Variants in IL2RB observed in about 807,000 individuals in gnomAD.
IL2RB encodes the protein interleukin-2 receptor subunit beta.
IL2RB carries 17 observed loss-of-function variants against 44.2 expected under a neutral mutation model. The observed-to-expected ratio is 0.38, with a 90% confidence interval of 0.26 to 0.58. The LOEUF (loss-of-function observed/expected upper bound fraction) is 0.58. IL2RB is among the 20% of genes least tolerant of loss of function. The probability of loss-of-function intolerance (pLI) is 0.63; values close to 1 mark genes in which losing one functional copy is unlikely to be tolerated. For synonymous variants in IL2RB, 286 were observed against 297.9 expected, an observed-to-expected ratio of 0.96 and a Z score of 0.41; for missense variants, 624 against 685.5, an observed-to-expected ratio of 0.91 and a Z score of 1.00.
chr22:37,166,352 G>A (rs945911049), intron 1 of IL2RB, among the ~76,000 whole-genome samples: 2 of 150,558 alleles, frequency 1.3e-5, no homozygotes, highest in African/African-American at 2.4e-5. Context: ...GCACTGCACC[G>A]CTGCGTGTGT....
At chr22:37,132,261 C>T (rs933177729) in intron 9 of IL2RB, 123 bp downstream of exon 9, 11 of 688,528 alleles carry the variant, frequency 1.6e-5, no homozygotes, top group Middle Eastern at 3.9e-4. Flanking sequence ...ATGCACACCC[C>T]GGAGGCTGCT....
chr22:37,132,058 C>G (rs3218322), intron 9 of IL2RB, among the ~76,000 whole-genome samples: 2 of 151,942 alleles, frequency 1.3e-5, no homozygotes, highest in Admixed American at 6.6e-5. Flanking sequence ...TGAACACTAA[C>G]TGCGTGCCAG....
chr22:37,159,852 G>T (rs912970349), intron 1 of IL2RB, among the ~76,000 whole-genome samples: 1 of 152,242 alleles, frequency 6.6e-6, no homozygotes, highest in African/African-American at 2.4e-5. Flanking sequence ...GTGCTGGCGT[G>T]GGGGCCACCC....
chr22:37,167,747 T>C (rs73884834), intron 1 of IL2RB, among the ~76,000 whole-genome samples: 3,000 of 152,310 alleles, frequency 0.02, 113 homozygotes, highest in African/African-American at 0.069. Flanking sequence ...ATTTGCCTGG[T>C]GTCTGTCTTC....
At chr22:37,136,497 C>T in intron 6 of IL2RB, 104 bp from the exon 7 acceptor site, 1 of 1,280,988 alleles carries the variant, frequency 7.8e-7, no homozygotes, top group Non-Finnish European at 1.1e-6. Context: ...GCTGCACCCC[C>T]ACTTCCTTGC....
At chr22:37,129,373 C>T (rs1364487122) in intron 9 of IL2RB, among the ~76,000 whole-genome samples, 1 of 152,206 alleles carries the variant, frequency 6.6e-6, no homozygotes, top group Admixed American at 6.5e-5. Context: ...CCAGGGTCTC[C>T]GCTTACACTG....
At position 37,137,677 on chromosome 22, in the gene IL2RB, G is replaced by A; in HGVS notation, c.447C>T (p.Asn149=). The A allele has an allele frequency of 6.2e-7, 1 of 1,614,088 alleles. No homozygotes were observed. The highest frequency in any genetic ancestry group is 8.5e-7 in the Non-Finnish European group (1 of 1,179,926). Residue 149 remains asparagine (N), a synonymous_variant, in exon 6 of 10, where the codon AAC becomes AAT. Coordinates refer to ENST00000216223, the MANE Select transcript of IL2RB (RefSeq NM_000878.5). ...QVVHVETHRC[N]ISWEISQASH... ...AGGCTTGGGAGATTTCCCAGCTTAT[G>A]TTGCATCTGTGGGTCTCCACGTGGA... is the stretch of plus-strand genomic sequence containing the variant.
intron 1 of IL2RB, among the ~76,000 whole-genome samples, chr22:37,145,090 C>T (rs1022413461): frequency 6.8e-5 from 10 of 147,924 alleles, no homozygotes; most frequent in African/African-American, 2.2e-4. Flanking sequence ...CACTGTCCCT[C>T]GAGGGAGCTG....
chr22:37,145,846 G>A (rs866534611), intron 1 of IL2RB, among the ~76,000 whole-genome samples: 3 of 151,976 alleles, frequency 2.0e-5, no homozygotes, highest in African/African-American at 4.8e-5. Flanking sequence ...TTCCCCCGCT[G>A]TTCCCCCTTC....
chr22:37,132,204 A>G (rs1414762019), intron 9 of IL2RB, among the ~76,000 whole-genome samples, 180 bp downstream of exon 9: 2 of 152,188 alleles, frequency 1.3e-5, no homozygotes, highest in Non-Finnish European at 2.9e-5. Context: ...ATTAGAACCC[A>G]GGCAGTCTGG....
Position 37,142,322 on chromosome 22 carries a change from C to T in IL2RB, c.282+112G>A, listed in dbSNP as rs895724299. The T allele has an allele frequency of 5.1e-5, 50 of 982,426 alleles. No homozygotes were observed. In the African/African-American group the frequency reaches 6.4e-4, roughly 13 times the overall value. 60.9% of individuals were successfully genotyped at this position (982,426 alleles called of 1,614,324 possible). Reference sequence around the variant, plus strand: ...GCTGGGCATCCTGCTTAGCCACAGCCCCAGCCATTGGGCCTCAGCTCTTCC... The same window carrying T: ...GCTGGGCATCCTGCTTAGCCACAGCTCCAGCCATTGGGCCTCAGCTCTTCC... On this transcript the variant is annotated intron_variant, in intron 4 of 9. Coordinates refer to ENST00000216223, the MANE Select transcript of IL2RB (RefSeq NM_000878.5).
At chr22:37,144,425 G>A (rs956669584) in intron 1 of IL2RB, among the ~76,000 whole-genome samples, 5 of 152,190 alleles carry the variant, frequency 3.3e-5, no homozygotes, top group Non-Finnish European at 7.4e-5. Context: ...CCTTTGAGAG[G>A]TCTTCTTTGA....
At chr22:37,165,020 C>T (rs1014468828) in intron 1 of IL2RB, among the ~76,000 whole-genome samples, 7 of 152,152 alleles carry the variant, frequency 4.6e-5, no homozygotes, top group Admixed American at 3.9e-4. Context: ...CCAAGCAACT[C>T]GAGTGTGCAC....
At chr22:37,160,238 A>C (rs531126874) in intron 1 of IL2RB, among the ~76,000 whole-genome samples, 2 of 152,246 alleles carry the variant, frequency 1.3e-5, no homozygotes, top group Non-Finnish European at 2.9e-5. Flanking sequence ...TGTGGGGAGC[A>C]GCGGGATGGC....
At position 37,127,958 on chromosome 22, in the gene IL2RB, G is replaced by C; in HGVS notation, c.*138C>G. 4.8e-6 allele frequency: 3 copies of C among 622,752 alleles called. No homozygotes were observed. Among genetic ancestry groups the C allele is most frequent in the Non-Finnish European group, 7.5e-6 (3 of 402,422 alleles). The allele number at this position is 622,752 out of a possible 1,614,324, so 38.6% of individuals were successfully genotyped here. ...ATGGACCAAGTGTGCAGGACTGGGT[G>C]GGGGCCATCCGGGTGGAGAAGTCCA... On this transcript the variant is annotated 3_prime_UTR_variant, in exon 10 of 10. Transcript: ENST00000216223.
rs371082566 is a variant in IL2RB, at chr22:37,143,513, G to A, written c.203+8C>T. ...CCTAAGATTCTGCAGTGTGGCCAGT[G>A]GACTCACCGTCTGTCCGGCCAGGCA... On this transcript the variant is annotated splice_region_variant and intron_variant, in intron 3 of 9. Coordinates refer to ENST00000216223, the MANE Select transcript of IL2RB (RefSeq NM_000878.5). 63 of 1,572,794 alleles carry A rather than the reference G, an allele frequency of 4.0e-5. No individual in the cohort carries two copies. The highest frequency in any genetic ancestry group is 5.1e-5 in the Non-Finnish European group (58 of 1,142,520).
At chr22:37,131,059 C>T (rs1490181107) in intron 9 of IL2RB, among the ~76,000 whole-genome samples, 1 of 152,130 alleles carries the variant, frequency 6.6e-6, no homozygotes, top group African/African-American at 2.4e-5. Context: ...CCCAGCTACT[C>T]GGGAGACTGA....
chr22:37,149,873 G>A lies in IL2RB; in HGVS notation c.-82C>T, dbSNP rs937818208. 22 of 985,616 alleles carry A rather than the reference G, an allele frequency of 2.2e-5. No individual in the cohort carries two copies. The highest frequency in any genetic ancestry group is 7.0e-5 in the African/African-American group (4 of 57,220). The allele number at this position is 985,616 out of a possible 1,614,324, so 61.1% of individuals were successfully genotyped here. A position where few individuals can be genotyped will look rare whatever the true frequency, so the allele number is the denominator to read the frequency against. ...CAGCGCGCGCTCTCCAGTCCTCCCC[G>A]GTGCTGGGACCGTGGCCATCTCTCC... On this transcript the variant is annotated 5_prime_UTR_variant, in exon 1 of 10. Transcript: ENST00000216223.
chr22:37,174,753 G>A (rs985583100), intron 1 of IL2RB, among the ~76,000 whole-genome samples: 3 of 152,194 alleles, frequency 2.0e-5, no homozygotes, highest in Non-Finnish European at 2.9e-5. Flanking sequence ...GCGATTGGCT[G>A]CACACTGGCA....
Sources: allele counts gnomAD v4.1 joint callset (sites outside exome capture counted in the v4.1 genomes callset), GRCh38; gene constraint gnomAD v4.1.1; transcripts MANE v1.5; gene names NCBI Gene and HGNC (gene_info 2026-07-23, HGNC 2026-07-21).